CDH13: variants seen among roughly 807,000 people sequenced by gnomAD.
CDH13 encodes cadherin-13.
CDH13 carries 24 observed loss-of-function variants against 63.8 expected under a neutral mutation model. That is an observed-to-expected ratio of 0.38 (90% confidence interval 0.27 to 0.53). The LOEUF (loss-of-function observed/expected upper bound fraction) is 0.53. Ranked by LOEUF, CDH13 falls within the 20% of genes least tolerant of loss-of-function variation. The probability of loss-of-function intolerance (pLI) is 0.85; values close to 1 mark genes in which losing one functional copy is unlikely to be tolerated. For synonymous variants in CDH13, 503 were observed against 355.3 expected (o/e 1.42, Z -4.67); for missense variants, 1,049 against 903.1 (o/e 1.16, Z -2.07).
intron 9 of CDH13, among the ~76,000 whole-genome samples, chr16:83,677,477 T>C (rs1033804521): frequency 1.3e-5 from 2 of 149,684 alleles, no homozygotes; most frequent in African/African-American, 5.0e-5. Flanking sequence ...CTCGAGTCAA[T>C]TGAAAATGCT....
At chr16:82,891,278 A>G (rs2041072066) in intron 2 of CDH13, among the ~76,000 whole-genome samples, 1 of 152,060 alleles carries the variant, frequency 6.6e-6, no homozygotes, top group Admixed American at 6.5e-5. Context: ...GGTAGTGAAG[A>G]GGTCCTCTAA....
chr16:83,776,230 C>A, intron 11 of CDH13, among the ~76,000 whole-genome samples: 1 of 152,184 alleles, frequency 6.6e-6, no homozygotes, highest in East Asian at 1.9e-4. Flanking sequence ...CTCATAACGC[C>A]TTCTCATCCA....
chr16:83,345,919 TC>T (rs1298407753), intron 6 of CDH13, among the ~76,000 whole-genome samples: 1 of 152,134 alleles, frequency 6.6e-6, no homozygotes, highest in Non-Finnish European at 1.5e-5. Context: ...TTACTATTTT[TC>T]CCCCTTTTCT....
intron 4 of CDH13, chr16:83,171,404 T>C: frequency 1.2e-6 from 1 of 840,986 alleles, no homozygotes; most frequent in Non-Finnish European, 1.9e-6. Context: ...ACATGGGGGA[T>C]TACAGTTGAA....
intron 2 of CDH13, among the ~76,000 whole-genome samples, chr16:82,974,921 C>G (rs931584336): frequency 6.6e-6 from 1 of 152,192 alleles, no homozygotes; most frequent in Admixed American, 6.5e-5. Flanking sequence ...ACAGCGGCCG[C>G]AGGATGCCCA....
chr16:83,456,044 G>A (rs2073016905), intron 6 of CDH13, among the ~76,000 whole-genome samples: 1 of 152,232 alleles, frequency 6.6e-6, no homozygotes. Flanking sequence ...GGAGTTCTGA[G>A]CCTTTCTCAC....
intron 4 of CDH13, among the ~76,000 whole-genome samples, chr16:83,136,129 T>C (rs1475113423): frequency 3.3e-5 from 5 of 150,972 alleles, no homozygotes; most frequent in Non-Finnish European, 5.9e-5. Context: ...AAAGAACTTA[T>C]TCATGTAACC....
At chr16:82,885,409 C>T (rs1160790408) in intron 2 of CDH13, among the ~76,000 whole-genome samples, 4 of 151,410 alleles carry the variant, frequency 2.6e-5, no homozygotes, top group Non-Finnish European at 4.4e-5. Context: ...TCTCCATCCA[C>T]CCACCCATCT....
intron 5 of CDH13, among the ~76,000 whole-genome samples, chr16:83,343,775 C>T (rs562682122): frequency 3.3e-5 from 5 of 152,148 alleles, no homozygotes; most frequent in African/African-American, 1.2e-4. Context: ...AAAGTGAGCT[C>T]TGGAGGCAGA....
chr16:83,694,846 A>G (rs1314159267), intron 10 of CDH13, among the ~76,000 whole-genome samples: 4 of 152,182 alleles, frequency 2.6e-5, no homozygotes, highest in African/African-American at 9.7e-5. Flanking sequence ...CATAAGCTTT[A>G]AGGGGATACC....
chr16:82,654,266 C>G (rs941760596), intron 1 of CDH13, among the ~76,000 whole-genome samples: 2 of 152,168 alleles, frequency 1.3e-5, no homozygotes, highest in East Asian at 1.9e-4. Flanking sequence ...TTGGCTGACA[C>G]TTACATGGTG....
At chr16:83,699,856 C>T (rs1905952423) in intron 10 of CDH13, among the ~76,000 whole-genome samples, 1 of 152,210 alleles carries the variant, frequency 6.6e-6, no homozygotes, top group Non-Finnish European at 1.5e-5. Context: ...AGCATGTACC[C>T]AGCCTCAGCA....
At chr16:82,677,222 G>T (rs1372786085) in intron 1 of CDH13, among the ~76,000 whole-genome samples, 1 of 152,176 alleles carries the variant, frequency 6.6e-6, no homozygotes, top group East Asian at 1.9e-4. Context: ...ACGGAGAAAG[G>T]TAATGCAGAC....
chr16:83,525,758 A>G (rs1173976867), intron 7 of CDH13, among the ~76,000 whole-genome samples: 3 of 152,310 alleles, frequency 2.0e-5, no homozygotes, highest in Non-Finnish European at 2.9e-5. Context: ...GATCCACTCT[A>G]ATCCAATGAG....
intron 11 of CDH13, among the ~76,000 whole-genome samples, chr16:83,755,232 C>T (rs1455269766): frequency 6.6e-6 from 1 of 152,064 alleles, no homozygotes; most frequent in Non-Finnish European, 1.5e-5. Flanking sequence ...AACAGCAGAA[C>T]ACAGGATTTT....
chr16:83,157,739 A>AT (rs2037270337), intron 4 of CDH13, among the ~76,000 whole-genome samples: 1 of 57,434 alleles, frequency 1.7e-5, no homozygotes, highest in African/African-American at 1.6e-4. Flanking sequence ...CTAGAAATAT[A>AT]AAAAAAAAAA....
intron 8 of CDH13, among the ~76,000 whole-genome samples, chr16:83,643,575 T>C (rs1911510531): frequency 6.6e-6 from 1 of 152,120 alleles, no homozygotes; most frequent in Non-Finnish European, 1.5e-5. Context: ...AATGTCTTTG[T>C]TGATGTTATT....
chr16:82,854,054 G>A (rs1022146500), intron 1 of CDH13, among the ~76,000 whole-genome samples: 13 of 152,154 alleles, frequency 8.5e-5, no homozygotes, highest in African/African-American at 2.7e-4. Flanking sequence ...ATTGAAGAGC[G>A]GATATCGGTG....
intron 2 of CDH13, among the ~76,000 whole-genome samples, chr16:82,918,190 A>C (rs1430092834): frequency 6.6e-6 from 1 of 152,186 alleles, no homozygotes; most frequent in Non-Finnish European, 1.5e-5. Flanking sequence ...ATCACCCTGC[A>C]AAAGGGTTGG....
Sources: allele counts gnomAD v4.1 joint callset (sites outside exome capture counted in the v4.1 genomes callset), GRCh38; gene constraint gnomAD v4.1.1; transcripts MANE v1.5; gene names NCBI Gene and HGNC (gene_info 2026-07-23, HGNC 2026-07-21).